The following EHBP1 variants were observed in gnomAD, a reference collection of about 807,000 sequenced individuals.
EHBP1 encodes EH domain-binding protein 1.
Under a neutral mutation model 144.0 loss-of-function variants are expected in EHBP1, and 55 were observed. The ratio of observed to expected loss-of-function variants is 0.38; its 90% confidence interval spans 0.31 to 0.48. EHBP1 has a LOEUF of 0.48. Ranked by LOEUF, EHBP1 falls within the 20% of genes least tolerant of loss-of-function variation. EHBP1 has a pLI of 0.98. For missense variants in EHBP1, 1,200 were observed against 1,364.2 expected (o/e 0.88, Z 1.90); for synonymous variants, 469 against 472.7 (o/e 0.99, Z 0.10).
chr2:62,888,696 T>A (rs2052152398), intron 10 of EHBP1, among the ~76,000 whole-genome samples: 1 of 152,220 alleles, frequency 6.6e-6, no homozygotes, highest in African/African-American at 2.4e-5. Flanking sequence ...AATGGAGTGC[T>A]ATTGCTGTAT....
chr2:62,727,271 T>C (rs1015330319), intron 2 of EHBP1, among the ~76,000 whole-genome samples: 1 of 152,140 alleles, frequency 6.6e-6, no homozygotes, highest in East Asian at 1.9e-4. Context: ...GTTTTGTTAT[T>C]CTGGATTTCT....
intron 3 of EHBP1, among the ~76,000 whole-genome samples, chr2:62,761,103 T>C (rs1309975298): frequency 6.6e-6 from 1 of 152,144 alleles, no homozygotes; most frequent in East Asian, 1.9e-4. Flanking sequence ...GAATTAAGTA[T>C]GTGGAGTTTT....
intron 10 of EHBP1, among the ~76,000 whole-genome samples, chr2:62,909,627 G>C (rs979795492): frequency 2.6e-5 from 4 of 152,218 alleles, no homozygotes; most frequent in Non-Finnish European, 4.4e-5. Flanking sequence ...GGAAATGTCA[G>C]CTGGCAAAAA....
At chr2:62,874,182 A>G (rs909739204) in intron 9 of EHBP1, among the ~76,000 whole-genome samples, 164 bp from the exon 10 acceptor site, 2 of 152,228 alleles carry the variant, frequency 1.3e-5, no homozygotes, top group African/African-American at 4.8e-5. Flanking sequence ...CTGGATAGAA[A>G]TGGACCAAAA....
chr2:62,939,625 A>G (rs1428715264), intron 10 of EHBP1, among the ~76,000 whole-genome samples: 2 of 152,084 alleles, frequency 1.3e-5, no homozygotes, highest in South Asian at 2.1e-4. Flanking sequence ...AGAAGATTGC[A>G]TTGGAGTTAA....
At chr2:62,771,524 A>T in intron 5 of EHBP1, 132 bp downstream of exon 5, 2 of 620,180 alleles carry the variant, frequency 3.2e-6, no homozygotes, top group South Asian at 5.1e-5. Context: ...TAGCTTTTAG[A>T]ATGTTTTTAA....
chr2:62,888,786 AAAGG>A (rs2052163121), intron 10 of EHBP1, among the ~76,000 whole-genome samples: 1 of 152,168 alleles, frequency 6.6e-6, no homozygotes, highest in Non-Finnish European at 1.5e-5. Flanking sequence ...ACTACATGAA[AAAGG>A]AAGGGGATTT....
intron 2 of EHBP1, among the ~76,000 whole-genome samples, chr2:62,744,392 A>G (rs1008721474): frequency 5.9e-5 from 9 of 152,144 alleles, no homozygotes; most frequent in African/African-American, 1.9e-4. Flanking sequence ...ATATAAGTAA[A>G]TATTTAATGG....
chr2:62,925,940 G>A (rs1319708029), intron 10 of EHBP1, among the ~76,000 whole-genome samples: 2 of 151,998 alleles, frequency 1.3e-5, no homozygotes, highest in East Asian at 3.8e-4. Flanking sequence ...ACCTCAAATA[G>A]CTAAAGCAAT....
chr2:62,963,896 G>A (rs2058116285), intron 14 of EHBP1, among the ~76,000 whole-genome samples: 3 of 152,136 alleles, frequency 2.0e-5, no homozygotes. Context: ...AAGATTTAAT[G>A]TACAAAATCC....
intron 21 of EHBP1, among the ~76,000 whole-genome samples, chr2:63,041,263 T>C (rs2061649421): frequency 2.0e-5 from 3 of 152,204 alleles, no homozygotes; most frequent in Admixed American, 1.3e-4. Flanking sequence ...GGAGTTTCAT[T>C]CTACTGAACT....
At chr2:63,022,702 T>G (rs1477173137) in intron 19 of EHBP1, among the ~76,000 whole-genome samples, 1 of 152,144 alleles carries the variant, frequency 6.6e-6, no homozygotes, top group East Asian at 1.9e-4. Context: ...CATAGGCCTG[T>G]AGGTGGTTTG....
chr2:62,734,756 C>T (rs962250888), intron 2 of EHBP1, among the ~76,000 whole-genome samples: 2 of 151,976 alleles, frequency 1.3e-5, no homozygotes, highest in East Asian at 1.9e-4. Context: ...TGTATGTGTG[C>T]GTGCATGTGT....
At chr2:62,774,207 C>T (rs2041895399) in intron 5 of EHBP1, among the ~76,000 whole-genome samples, 1 of 151,856 alleles carries the variant, frequency 6.6e-6, no homozygotes, top group Non-Finnish European at 1.5e-5. Flanking sequence ...AGCGTCTCTA[C>T]TAAAAATACA....
At chr2:62,816,087 A>G (rs1362744198) in intron 5 of EHBP1, among the ~76,000 whole-genome samples, 3 of 152,168 alleles carry the variant, frequency 2.0e-5, no homozygotes, top group African/African-American at 7.2e-5. Flanking sequence ...ATCTGAAAAG[A>G]ATAATTAAAA....
At chr2:62,872,824 C>T (rs2050594219) in intron 9 of EHBP1, among the ~76,000 whole-genome samples, 1 of 152,136 alleles carries the variant, frequency 6.6e-6, no homozygotes, top group Non-Finnish European at 1.5e-5. Context: ...CTATTCTGGA[C>T]ATTTCACCTA....
chr2:62,799,162 G>A (rs1405181616), intron 5 of EHBP1, among the ~76,000 whole-genome samples: 3 of 152,104 alleles, frequency 2.0e-5, no homozygotes, highest in Non-Finnish European at 4.4e-5. Context: ...AACTTTTATA[G>A]GGAGCTGTGT....
chr2:62,841,323 C>T (rs1007558760), intron 7 of EHBP1, among the ~76,000 whole-genome samples: 9 of 128,730 alleles, frequency 7.0e-5, no homozygotes, highest in Non-Finnish European at 1.1e-4. Flanking sequence ...GGGAATATCA[C>T]ACTCTGGGGA....
intron 10 of EHBP1, among the ~76,000 whole-genome samples, chr2:62,912,676 T>C (rs935793277): frequency 4.6e-5 from 7 of 152,212 alleles, no homozygotes; most frequent in Admixed American, 1.3e-4. Context: ...TAAAGTGTAT[T>C]TAAATATAAT....
Sources: allele counts gnomAD v4.1 joint callset (sites outside exome capture counted in the v4.1 genomes callset), GRCh38; gene constraint gnomAD v4.1.1; transcripts MANE v1.5; gene names NCBI Gene and HGNC (gene_info 2026-07-23, HGNC 2026-07-21).